Variants in TTC29 observed in about 807,000 individuals in gnomAD.
TTC29 encodes tetratricopeptide repeat domain 29, also known as tetratricopeptide repeat protein 29.
A neutral mutation model predicts 58.1 loss-of-function variants in TTC29; 49 were observed. The observed-to-expected ratio is 0.84, with a 90% confidence interval of 0.67 to 1.07. The LOEUF (loss-of-function observed/expected upper bound fraction) is 1.07, where lower values mean the gene tolerates loss of function less well. Among genes scored for constraint, TTC29 ranks in the 50% least tolerant of loss-of-function variants. The probability of loss-of-function intolerance (pLI) is 0.00; values close to 1 mark genes in which losing one functional copy is unlikely to be tolerated. For missense variants in TTC29, 582 were observed against 555.6 expected, an observed-to-expected ratio of 1.05 and a Z score of -0.48; for synonymous variants, 209 against 196.8, an observed-to-expected ratio of 1.06 and a Z score of -0.52.
chr4:146,939,450 G>C (rs1580039888), intron 3 of TTC29, among the ~76,000 whole-genome samples: 1 of 152,064 alleles, frequency 6.6e-6, no homozygotes, highest in African/African-American at 2.4e-5. Flanking sequence ...GTAAGACTCT[G>C]CCTTAAAAAG....
At chr4:146,717,206 A>G (rs1408165932) in intron 11 of TTC29, among the ~76,000 whole-genome samples, 2 of 152,142 alleles carry the variant, frequency 1.3e-5, no homozygotes, top group Non-Finnish European at 2.9e-5. Flanking sequence ...AAGTAAATAT[A>G]AATTTTTTCC....
At chr4:146,729,955 A>T (rs964468606) in intron 11 of TTC29, among the ~76,000 whole-genome samples, 2 of 152,104 alleles carry the variant, frequency 1.3e-5, no homozygotes, top group South Asian at 4.2e-4. Context: ...GGGGACACAA[A>T]GCCAAACCAT....
chr4:146,881,774 G>T (rs1360754733), intron 6 of TTC29, among the ~76,000 whole-genome samples: 1 of 151,994 alleles, frequency 6.6e-6, no homozygotes, highest in Non-Finnish European at 1.5e-5. Context: ...CAAGAGATTT[G>T]TTGTGCACTA....
intron 5 of TTC29, among the ~76,000 whole-genome samples, chr4:146,907,557 G>A (rs575045513): frequency 2.0e-5 from 3 of 152,182 alleles, no homozygotes; most frequent in Non-Finnish European, 4.4e-5. Context: ...GGAGCGCAAT[G>A]GAGCAATCTC....
chr4:146,740,915 T>C (rs763462353), intron 11 of TTC29, among the ~76,000 whole-genome samples: 4 of 152,016 alleles, frequency 2.6e-5, no homozygotes, highest in Non-Finnish European at 5.9e-5. Context: ...AAAAATATTT[T>C]AGAGACAAGG....
At chr4:146,900,612 T>C (rs1733078869) in intron 6 of TTC29, among the ~76,000 whole-genome samples, 1 of 152,132 alleles carries the variant, frequency 6.6e-6, no homozygotes, top group Non-Finnish European at 1.5e-5. Flanking sequence ...GGTGCATAGA[T>C]GAATGAATAA....
rs140519633 is a variant in TTC29 at position 146,879,227 on chromosome 4, G to A, written c.587-4299C>T. ...AATTTAAAGCATATATTATGATATA[G>A]TAGAATATTTGATTTAAAAATATTA... On this transcript the variant is annotated intron_variant, in intron 6 of 12. Transcript: ENST00000325106. Among the ~76,000 whole-genome samples, 1,328 of 152,266 alleles carry A rather than the reference G, an allele frequency of 8.7e-3. 17 individuals are homozygous for A. Among genetic ancestry groups the A allele is most frequent in the African/African-American group, 0.031 (1,277 of 41,562 alleles).
chr4:146,735,524 C>T (rs1744653497), intron 11 of TTC29, among the ~76,000 whole-genome samples: 1 of 152,178 alleles, frequency 6.6e-6, no homozygotes, highest in Non-Finnish European at 1.5e-5. Context: ...GAGGGAATAG[C>T]CAGCCTGGTA....
chr4:146,863,895 A>C (rs1170135672), intron 8 of TTC29, among the ~76,000 whole-genome samples: 1 of 152,080 alleles, frequency 6.6e-6, no homozygotes, highest in African/African-American at 2.4e-5. Flanking sequence ...TGAAGTCCCC[A>C]ATGGATTAAA....
At chr4:146,799,813 T>A (rs1197001625) in intron 11 of TTC29, among the ~76,000 whole-genome samples, 1 of 152,242 alleles carries the variant, frequency 6.6e-6, no homozygotes, top group Non-Finnish European at 1.5e-5. Flanking sequence ...AGGTTGACAC[T>A]GCTATTAAGT....
At chr4:146,779,784 C>T (rs1373978205) in intron 11 of TTC29, among the ~76,000 whole-genome samples, 1 of 152,136 alleles carries the variant, frequency 6.6e-6, no homozygotes, top group East Asian at 1.9e-4. Context: ...TTCTGAATCT[C>T]ACTTAATGGA....
intron 10 of TTC29, among the ~76,000 whole-genome samples, chr4:146,814,695 C>T (rs1014231967): frequency 7.4e-6 from 1 of 134,970 alleles, no homozygotes; most frequent in African/African-American, 2.8e-5. Flanking sequence ...CACTGCACTC[C>T]AGCCTGGCAA....
intron 9 of TTC29, among the ~76,000 whole-genome samples, chr4:146,821,833 G>T (rs1751854929): frequency 6.6e-6 from 1 of 152,090 alleles, no homozygotes; most frequent in Admixed American, 6.5e-5. Context: ...TGGGGAATAA[G>T]GTTCCTGTGC....
intron 11 of TTC29, among the ~76,000 whole-genome samples, chr4:146,719,496 A>G (rs1042837500): frequency 2.0e-5 from 3 of 152,180 alleles, no homozygotes; most frequent in Non-Finnish European, 4.4e-5. Flanking sequence ...GGTAAGTCTT[A>G]AGAAAACCTC....
intron 11 of TTC29, among the ~76,000 whole-genome samples, chr4:146,771,711 A>G (rs1399631461): frequency 6.6e-6 from 1 of 152,108 alleles, no homozygotes; most frequent in African/African-American, 2.4e-5. Flanking sequence ...GAATAGTGCT[A>G]TGATGAACAT....
intron 8 of TTC29, among the ~76,000 whole-genome samples, chr4:146,859,577 A>G (rs941519846): frequency 6.6e-6 from 1 of 152,132 alleles, no homozygotes; most frequent in Admixed American, 6.6e-5. Flanking sequence ...TATTACGCAC[A>G]TAACAGTTAT....
chr4:146,775,695 C>A (rs1252223197), intron 11 of TTC29, among the ~76,000 whole-genome samples: 1 of 151,906 alleles, frequency 6.6e-6, no homozygotes, highest in Admixed American at 6.6e-5. Flanking sequence ...TTTTTTCTTT[C>A]ATTTTGACCT....
At chr4:146,730,253 T>C (rs1280925271) in intron 11 of TTC29, among the ~76,000 whole-genome samples, 3 of 152,104 alleles carry the variant, frequency 2.0e-5, no homozygotes, top group Non-Finnish European at 2.9e-5. Flanking sequence ...AATCATGTCA[T>C]TTGCAGCAAC....
chr4:146,718,067 A>G (rs1743070286), intron 11 of TTC29, among the ~76,000 whole-genome samples: 1 of 152,122 alleles, frequency 6.6e-6, no homozygotes, highest in African/African-American at 2.4e-5. Flanking sequence ...GACAGGATTT[A>G]TCATTTTTTA....
Sources: gnomAD v4.1 joint callset for allele counts (sites outside exome capture counted in the v4.1 genomes callset) on GRCh38, gnomAD v4.1.1 for gene constraint, MANE v1.5 for transcripts, NCBI Gene and HGNC (gene_info 2026-07-23, HGNC 2026-07-21) for gene names.